The following ASTN2 variants were observed in gnomAD, a reference collection of about 807,000 sequenced individuals.
ASTN2 encodes the protein astrotactin 2.
In ASTN2, 54 loss-of-function variants were observed where a neutral mutation model predicts 139.8. That is an observed-to-expected ratio of 0.39 (90% CI 0.31 to 0.48). The LOEUF (loss-of-function observed/expected upper bound fraction) is 0.48. Among genes scored for constraint, ASTN2 ranks in the 20% least tolerant of loss-of-function variants. The probability of loss-of-function intolerance (pLI) is 0.95; values close to 1 mark genes in which losing one functional copy is unlikely to be tolerated. For synonymous variants in ASTN2, 756 were observed against 719.5 expected (o/e 1.05, Z -0.81); for missense variants, 1,565 against 1,725.1 (o/e 0.91, Z 1.64).
chr9:117,282,498 T>G (rs1044876907), intron 2 of ASTN2, among the ~76,000 whole-genome samples: 3 of 152,334 alleles, frequency 2.0e-5, no homozygotes, highest in South Asian at 2.1e-4. Flanking sequence ...CAGCTTCATT[T>G]TCCCCATCTA....
rs1278162120 is a variant in ASTN2, at chr9:117,173,226, C to T, written c.1016-31748G>A. 3.9e-5 allele frequency among the ~76,000 whole-genome samples: 6 copies of T among 152,148 alleles called. No homozygotes were observed. The East Asian group carries it at 9.7e-4, about 25-fold the overall frequency. ...AAACTTCATTCACTTAGCAATCTGG[C>T]CCCAAAACAAGAAAGCAAAACCTGT... is the stretch of plus-strand genomic sequence containing the variant. On this transcript the variant is annotated intron_variant, in intron 3 of 22. Transcript: ENST00000313400.
intron 1 of ASTN2, among the ~76,000 whole-genome samples, chr9:117,346,010 C>CAAAAAAAAAAAAAAAAAAAA (rs35773511): frequency 3.4e-4 from 31 of 92,324 alleles, no homozygotes; most frequent in East Asian, 1.6e-3. Context: ...AACTAAGAGG[C>CAAAAAAAAAAAAAAAAAAAA]AAAAAAAAAA....
chr9:116,867,883 A>T (rs1833058558), intron 10 of ASTN2, among the ~76,000 whole-genome samples: 1 of 152,166 alleles, frequency 6.6e-6, no homozygotes, highest in African/African-American at 2.4e-5. Flanking sequence ...TAAAGCAGAC[A>T]CTGGCGTTTT....
intron 13 of ASTN2, among the ~76,000 whole-genome samples, chr9:116,738,600 A>C: frequency 6.6e-6 from 1 of 152,238 alleles, no homozygotes; most frequent in East Asian, 1.9e-4. Flanking sequence ...TTGTACCCCC[A>C]AAACGATGGA....
intron 22 of ASTN2, among the ~76,000 whole-genome samples, chr9:116,436,922 A>C (rs1175729427): frequency 1.3e-5 from 2 of 151,998 alleles, no homozygotes; most frequent in Non-Finnish European, 2.9e-5. Context: ...ACATGGATGA[A>C]ATTGGAAATC....
intron 10 of ASTN2, among the ~76,000 whole-genome samples, chr9:116,901,834 C>A (rs1274218640): frequency 2.0e-5 from 3 of 152,146 alleles, no homozygotes. Context: ...TCCAGGCCAG[C>A]CTGGCCAACA....
chr9:116,794,094 A>AT (rs1259322171), intron 13 of ASTN2, among the ~76,000 whole-genome samples: 2 of 115,982 alleles, frequency 1.7e-5, no homozygotes, highest in East Asian at 6.7e-4. Context: ...AAAAATAAAC[A>AT]CCTTTTTTTT....
At chr9:116,565,544 A>G (rs1485712148) in intron 19 of ASTN2, among the ~76,000 whole-genome samples, 1 of 122,724 alleles carries the variant, frequency 8.1e-6, no homozygotes, top group Admixed American at 8.2e-5. Flanking sequence ...CTGCCCACCC[A>G]TTCCCACCCC....
At chr9:116,824,313 A>G (rs984630027) in intron 11 of ASTN2, among the ~76,000 whole-genome samples, 5 of 152,212 alleles carry the variant, frequency 3.3e-5, no homozygotes, top group Non-Finnish European at 5.9e-5. Context: ...GACCAATAGT[A>G]TGTGGCAGAA....
At chr9:117,116,669 T>C (rs1376979196) in intron 4 of ASTN2, among the ~76,000 whole-genome samples, 1 of 151,390 alleles carries the variant, frequency 6.6e-6, no homozygotes, top group Non-Finnish European at 1.5e-5. Context: ...CCAAAGTCCT[T>C]GCAAAACTGC....
intron 2 of ASTN2, among the ~76,000 whole-genome samples, chr9:117,285,790 C>T (rs985763490): frequency 6.6e-6 from 1 of 152,168 alleles, no homozygotes; most frequent in African/African-American, 2.4e-5. Flanking sequence ...GAATTTTGAC[C>T]TCTTGGAATC....
At chr9:116,595,745 C>T (rs1854545162) in intron 19 of ASTN2, among the ~76,000 whole-genome samples, 1 of 152,134 alleles carries the variant, frequency 6.6e-6, no homozygotes, top group Non-Finnish European at 1.5e-5. Flanking sequence ...ATTAGGGATA[C>T]AGCATGGAAT....
At chr9:117,034,692 A>G (rs1290704705) in intron 6 of ASTN2, among the ~76,000 whole-genome samples, 1 of 152,158 alleles carries the variant, frequency 6.6e-6, no homozygotes, top group Non-Finnish European at 1.5e-5. Context: ...GGTTCTGGGA[A>G]TTATCTCCCC....
intron 19 of ASTN2, among the ~76,000 whole-genome samples, chr9:116,567,075 G>A (rs1249007442): frequency 6.6e-6 from 1 of 152,222 alleles, no homozygotes; most frequent in East Asian, 1.9e-4. Context: ...GAGAGGTCAT[G>A]TGACTTGTGA....
At position 116,833,492 on chromosome 9, in the gene ASTN2, C is replaced by T. The variant is rs116288818; in HGVS notation, c.2041-12709G>A. ...AGCCTAGATTATTGATTTGTAACTTCCTCTTTTCTAATGTATGCATTTAGG... is the reference window on the plus strand; with the variant it reads ...AGCCTAGATTATTGATTTGTAACTTTCTCTTTTCTAATGTATGCATTTAGG... On this transcript the variant is annotated intron_variant, in intron 11 of 22. Transcript: ENST00000313400. Among the ~76,000 whole-genome samples, 238 of 149,132 alleles carry T rather than the reference C, an allele frequency of 1.6e-3. 1 individual carries two copies. The highest frequency in any genetic ancestry group is 5.7e-3 in the African/African-American group (231 of 40,586).
intron 19 of ASTN2, among the ~76,000 whole-genome samples, chr9:116,565,402 T>TAC (rs1853165822): frequency 1.5e-5 from 1 of 66,604 alleles, no homozygotes; most frequent in Non-Finnish European, 3.1e-5. Context: ...TATATATATA[T>TAC]ATATATATAT....
intron 6 of ASTN2, among the ~76,000 whole-genome samples, chr9:117,012,277 T>C (rs1336174649): frequency 6.6e-6 from 1 of 152,120 alleles, no homozygotes; most frequent in Non-Finnish European, 1.5e-5. Context: ...ATGTCGAACA[T>C]CACTATCGTG....
intron 7 of ASTN2, among the ~76,000 whole-genome samples, chr9:116,983,519 A>C (rs533717948): frequency 1.3e-5 from 2 of 152,344 alleles, no homozygotes; most frequent in South Asian, 4.1e-4. Flanking sequence ...CATCACAACA[A>C]TAAACATAAC....
In ASTN2 at chr9:116,699,814, C is replaced by A; in HGVS notation, c.2806+25957G>T. The stretch of plus-strand genomic sequence containing the variant: ...GACTCAGCCTATGTCCTGATTCCAG[C>A]TGGGTAGTTCTAGAACTTCAGAAGC... On this transcript the variant is annotated intron_variant, in intron 16 of 22. Coordinates refer to ENST00000313400, the MANE Select transcript of ASTN2 (RefSeq NM_001365068.1). This position sits in a 1 kb window ranked among gnomAD's most constrained non-coding sequence, Gnocchi z 4.2. The A allele has an allele frequency of 6.8e-7, 1 of 1,471,518 alleles. No individual in the cohort carries two copies. Among genetic ancestry groups the A allele is most frequent in the Non-Finnish European group, 9.4e-7 (1 of 1,063,612 alleles). The allele number at this position is 1,471,518 out of a possible 1,614,324, so 91.2% of individuals were successfully genotyped here.
Sources: gnomAD v4.1 joint callset for allele counts (sites outside exome capture counted in the v4.1 genomes callset) on GRCh38, gnomAD v4.1.1 for gene constraint, Gnocchi (gnomAD v3.1) non-coding constraint, MANE v1.5 for transcripts, NCBI Gene and HGNC (gene_info 2026-07-23, HGNC 2026-07-21) for gene names.